Variants in HDAC3 observed in about 807,000 individuals in gnomAD.
HDAC3 encodes the protein histone deacetylase 3.
A neutral mutation model predicts 62.3 loss-of-function variants in HDAC3; 21 were observed. That is an observed-to-expected ratio of 0.34 (90% CI 0.24 to 0.49). The LOEUF is 0.49. Among genes scored for constraint, HDAC3 ranks in the 20% least tolerant of loss-of-function variants. HDAC3 has a pLI of 0.99. For synonymous variants in HDAC3, 198 were observed against 206.5 expected (o/e 0.96, Z 0.35); for missense variants, 270 against 556.9 (o/e 0.48, Z 5.19).
chr5:141,628,705 A>C lies in HDAC3; in HGVS notation c.611-66T>G, dbSNP rs1596440610. On this transcript the variant is annotated intron_variant, in intron 7 of 14. Transcript: ENST00000305264. The surrounding 1 kb of genome is among the most constrained non-coding windows in gnomAD (Gnocchi z 4.7). ...CCCACAACCCAGCTGTTTCAGCCCC[A>C]ATCTGCACTCTGGGAGCCTCTCATT... 8.5e-7 allele frequency: 1 copy of C among 1,175,990 alleles called. No homozygotes were observed. Among genetic ancestry groups the C allele is most frequent in the Non-Finnish European group, 1.3e-6 (1 of 789,916 alleles). The allele number at this position is 1,175,990 out of a possible 1,614,324, so 72.8% of individuals were successfully genotyped here. A position where few individuals can be genotyped will look rare whatever the true frequency, so the allele number is the denominator to read the frequency against.
chr5:141,627,839 T>C (rs908158437), intron 10 of HDAC3, 54 bp downstream of exon 10: 9 of 1,533,020 alleles, frequency 5.9e-6, no homozygotes, highest in Non-Finnish European at 8.1e-6. Flanking sequence ...ACCCACGTAC[T>C]GAAGTCCAAG....
intron 3 of HDAC3, 76 bp from the exon 4 acceptor site, chr5:141,630,201 A>T: frequency 7.5e-7 from 1 of 1,338,480 alleles, no homozygotes; most frequent in Non-Finnish European, 1.1e-6. Flanking sequence ...CCCATCCTAG[A>T]TTCCTCCAAT....
chr5:141,636,383 G>A (rs2099906007), intron 2 of HDAC3, 165 bp downstream of exon 2: 7 of 649,818 alleles, frequency 1.1e-5, no homozygotes, highest in South Asian at 9.0e-5. Context: ...AGCAGAGGAC[G>A]CCACCCCCAA....
chr5:141,621,685 T>C (rs892863816), intron 14 of HDAC3, 148 bp from the exon 15 acceptor site: 2 of 640,004 alleles, frequency 3.1e-6, no homozygotes, highest in Admixed American at 5.5e-5. Context: ...CATTCACGTA[T>C]CAAATAAACA....
chr5:141,621,454 A>G lies in HDAC3; in HGVS notation c.*14T>C. 6.2e-7 allele frequency: 1 copy of G among 1,611,578 alleles called. No homozygotes were observed. Among genetic ancestry groups the G allele is most frequent in the Non-Finnish European group, 8.5e-7 (1 of 1,177,730 alleles). ...GAAAAGAAATTCCTTGGGACACAGCATCCCAAGCCACTCTTAAATCTCCAC... is the reference window on the plus strand; with the variant it reads ...GAAAAGAAATTCCTTGGGACACAGCGTCCCAAGCCACTCTTAAATCTCCAC... On this transcript the variant is annotated 3_prime_UTR_variant, in exon 15 of 15. Transcript: ENST00000305264.
chr5:141,635,635 G>A (rs756432888), intron 2 of HDAC3, among the ~76,000 whole-genome samples: 2 of 152,124 alleles, frequency 1.3e-5, no homozygotes, highest in African/African-American at 2.4e-5. Context: ...TTTTTCTTTT[G>A]AGACAAGGTC....
Position 141,628,551 on chromosome 5 carries a change from G to A in HDAC3, c.691+8C>T. On this transcript the variant is annotated splice_region_variant and intron_variant, in intron 8 of 14. Coordinates refer to ENST00000305264, the MANE Select transcript of HDAC3 (RefSeq NM_003883.4). The surrounding 1 kb of genome is among the most constrained non-coding windows in gnomAD (Gnocchi z 4.7). ...CCTAGGGAACAGAGGGAAGACTTCG[G>A]TACTTACTCTGGTCATCAATGCCAT... 1.9e-6 allele frequency: 3 copies of A among 1,610,932 alleles called. No homozygotes were observed. The highest frequency in any genetic ancestry group is 2.5e-6 in the Non-Finnish European group (3 of 1,177,136).
intron 3 of HDAC3, among the ~76,000 whole-genome samples, chr5:141,632,579 G>A (rs990222129): frequency 6.6e-6 from 1 of 152,186 alleles, no homozygotes; most frequent in African/African-American, 2.4e-5. Flanking sequence ...TGTGGCGTAA[G>A]GGCTGACCCT....
intron 14 of HDAC3, among the ~76,000 whole-genome samples, chr5:141,622,596 C>A (rs2099903861): frequency 6.9e-6 from 1 of 145,744 alleles, no homozygotes. Flanking sequence ...AGTGAGACTC[C>A]ATCTCAAAAA....
Position 141,625,412 on chromosome 5 carries a change from C to T in HDAC3, c.1060-47G>A. On this transcript the variant is annotated intron_variant, in intron 13 of 14. Transcript: ENST00000305264. The surrounding 1 kb of genome is among the most constrained non-coding windows in gnomAD (Gnocchi z 4.0). ...AGAGTGAGCAGTTTCCAGAGATTCC[C>T]AGGACATGGAATCTCCTAGCTGCCT... 6.3e-7 allele frequency: 1 copy of T among 1,592,984 alleles called. No homozygotes were observed.
chr5:141,634,631 T>C (rs1335946848), intron 3 of HDAC3, among the ~76,000 whole-genome samples, 180 bp downstream of exon 3: 1 of 152,200 alleles, frequency 6.6e-6, no homozygotes, highest in Non-Finnish European at 1.5e-5. Flanking sequence ...TTCCCAGCAC[T>C]TAGCACAGGG....
intron 2 of HDAC3, 47 bp from the exon 3 acceptor site, chr5:141,635,000 C>T: frequency 6.2e-7 from 1 of 1,602,420 alleles, no homozygotes; most frequent in Non-Finnish European, 8.5e-7. Flanking sequence ...CAGCCCCACT[C>T]CACAGGCTCA....
chr5:141,624,372 CAA>C (rs58610895), intron 14 of HDAC3, among the ~76,000 whole-genome samples: 217 of 21,998 alleles, frequency 9.9e-3, no homozygotes, highest in Admixed American at 0.021. Context: ...CCGTCTCTAC[CAA>C]AAAAAAAAAA....
At position 141,626,310 on chromosome 5, in the gene HDAC3, TGGA is replaced by T. The variant is rs1327007380; in HGVS notation, c.831-30_831-28del. 5.1e-6 allele frequency: 8 copies of T among 1,574,832 alleles called. No homozygotes were observed. Among genetic ancestry groups the T allele is most frequent in the Non-Finnish European group, 5.2e-6 (6 of 1,144,804 alleles). On this transcript the variant is annotated intron_variant, in intron 10 of 14. Transcript: ENST00000305264. This position sits in a 1 kb window ranked among gnomAD's most constrained non-coding sequence, Gnocchi z 4.6. ...TGTTAAAAGGAACCAGAGGAAGATGTGGAGGAGGTTATCAAAAGACAAGGTAAA... is the reference window on the plus strand; with the variant it reads ...TGTTAAAAGGAACCAGAGGAAGATGTGGAGGTTATCAAAAGACAAGGTAAA...
intron 2 of HDAC3, 86 bp from the exon 3 acceptor site, chr5:141,635,039 G>A: frequency 2.1e-6 from 3 of 1,405,080 alleles, no homozygotes; most frequent in East Asian, 2.3e-5. Context: ...CAGTCCTGGA[G>A]ACTATATGAA....
chr5:141,627,071 G>T (rs1424271732), intron 10 of HDAC3, among the ~76,000 whole-genome samples: 2 of 152,004 alleles, frequency 1.3e-5, no homozygotes, highest in Non-Finnish European at 2.9e-5. Flanking sequence ...GGGTTTAAAG[G>T]CTCTGCACAA....
chr5:141,630,246 C>T (rs2099904994), intron 3 of HDAC3, 121 bp from the exon 4 acceptor site: 1 of 891,618 alleles, frequency 1.1e-6, no homozygotes, highest in Non-Finnish European at 1.8e-6. Flanking sequence ...CCCTCTCCTA[C>T]ACACGTGGGC....
intron 3 of HDAC3, among the ~76,000 whole-genome samples, chr5:141,630,807 G>A (rs1005611963): frequency 2.0e-5 from 3 of 151,318 alleles, no homozygotes; most frequent in Non-Finnish European, 4.4e-5. Flanking sequence ...AAAAGGGTGA[G>A]TGACCTTTGT....
Position 141,625,975 on chromosome 5 carries a change from G to A in HDAC3, c.979+38C>T, listed in dbSNP as rs1049415674. On this transcript the variant is annotated intron_variant, in intron 12 of 14. Transcript: ENST00000305264. The surrounding 1 kb of genome is among the most constrained non-coding windows in gnomAD (Gnocchi z 4.0). ...GTCATTCTGGAATCTGGTGAGAATG[G>A]CCTTCCTGTTATGGGGGTGTTGTGG... 1.5e-5 allele frequency: 23 copies of A among 1,554,466 alleles called. No individual in the cohort carries two copies. Among genetic ancestry groups the A allele is most frequent in the Non-Finnish European group, 1.9e-5 (21 of 1,125,838 alleles).
Sources: allele counts gnomAD v4.1 joint callset (sites outside exome capture counted in the v4.1 genomes callset), GRCh38; gene constraint gnomAD v4.1.1; non-coding constraint Gnocchi (gnomAD v3.1); transcripts MANE v1.5; gene names NCBI Gene and HGNC (gene_info 2026-07-23, HGNC 2026-07-21).